Variants in DYNC2H1 observed in about 807,000 individuals in gnomAD.
DYNC2H1 encodes cytoplasmic dynein 2 heavy chain 1.
In DYNC2H1, 410 loss-of-function variants were observed where a neutral mutation model predicts 570.0. That is an observed-to-expected ratio of 0.72 (90% CI 0.66 to 0.78). The LOEUF (loss-of-function observed/expected upper bound fraction) is 0.78, where lower values mean the gene tolerates loss of function less well. Among genes scored for constraint, DYNC2H1 ranks in the 30% least tolerant of loss-of-function variants. The pLI is 0.00. For synonymous variants in DYNC2H1, 1,688 were observed against 1,677.6 expected, an observed-to-expected ratio of 1.01 and a Z score of -0.15; for missense variants, 4,865 against 5,046.4, an observed-to-expected ratio of 0.96 and a Z score of 1.09.
At chr11:103,112,729 C>T (rs2134679387) in intron 1 of DYNC2H1, among the ~76,000 whole-genome samples, 1 of 152,288 alleles carries the variant, frequency 6.6e-6, no homozygotes, top group South Asian at 2.1e-4. Context: ...TCCTACACAG[C>T]AGTGACCTTG....
intron 84 of DYNC2H1, among the ~76,000 whole-genome samples, chr11:103,428,621 A>G (rs1219417123): frequency 6.6e-6 from 1 of 152,122 alleles, no homozygotes; most frequent in African/African-American, 2.4e-5. Context: ...ACTCTGTCCT[A>G]TTAAACAACA....
chr11:103,232,091 A>G (rs548930324), intron 60 of DYNC2H1, among the ~76,000 whole-genome samples: 1 of 152,082 alleles, frequency 6.6e-6, no homozygotes, highest in Admixed American at 6.6e-5. Context: ...AAATAAGTAT[A>G]ATGTATTATT....
intron 59 of DYNC2H1, among the ~76,000 whole-genome samples, chr11:103,223,673 A>G (rs777709135): frequency 2.6e-5 from 4 of 151,954 alleles, no homozygotes; most frequent in Non-Finnish European, 2.9e-5. Context: ...GGTGTGGACC[A>G]CCACGCCTGG....
Position 103,114,106 on chromosome 11 carries a change from C to A in DYNC2H1, c.370C>A (p.Gln124Lys), listed in dbSNP as rs1411497328. The A allele has an allele frequency of 5.0e-6, 8 of 1,609,402 alleles. No individual in the cohort carries two copies. The highest frequency in any genetic ancestry group is 5.1e-6 in the Non-Finnish European group (6 of 1,177,700). The change falls in exon 3 of 89, where the codon CAG becomes AAG. Residue 124 changes from glutamine (Q) to lysine (K), a missense_variant. Transcript: ENST00000375735. ...GCTCTTGTCTGTTTTTATTTAGGAT[C>A]AGGAATGGAGCAGAAACTTTGATCC... ...QVFAPMLLKDQEWSRNFDPKL... is the reference protein window; with the variant it reads ...QVFAPMLLKDKEWSRNFDPKL...
Position 103,153,334 on chromosome 11 carries a change from G to A in DYNC2H1, c.3128G>A (p.Arg1043His), listed in dbSNP as rs372627366. 1.2e-4 allele frequency: 191 copies of A among 1,540,684 alleles called. No homozygotes were observed. The highest frequency in any genetic ancestry group is 2.9e-4 in the Admixed American group (14 of 48,568). Residue 1043 changes from arginine to histidine, a missense_variant, in exon 22 of 89, where the codon CGT becomes CAT. Arg to His is a conservative substitution (Grantham distance 29, BLOSUM62 0). Transcript: ENST00000375735. ...IEVMKGNVKSRLQIYYQELEK... is the reference protein window; with the variant it reads ...IEVMKGNVKSHLQIYYQELEK... ...GTGATGAAAGGAAATGTGAAATCAC[G>A]TCTTCAGATCTATTATCAAGAACTG...
Position 103,123,523 on chromosome 11 carries a change from T to C in DYNC2H1, c.1661+523T>C, listed in dbSNP as rs141931624. Among the ~76,000 whole-genome samples, 726 of 152,272 alleles carry C rather than the reference T, an allele frequency of 4.8e-3. 3 individuals are homozygous for C. The highest frequency in any genetic ancestry group is 6.8e-3 in the Middle Eastern group (2 of 294). ...TGGAATTCTGGCTCTGGAGGAAAAA[T>C]AGAGGAAACTGAACGGTGTTAGGGC... On this transcript the variant is annotated intron_variant, in intron 11 of 88. Coordinates refer to ENST00000375735, the MANE Select transcript of DYNC2H1 (RefSeq NM_001377.3).
At chr11:103,282,303 T>A (rs1204431409) in intron 72 of DYNC2H1, 74 bp downstream of exon 72, 1 of 1,367,112 alleles carries the variant, frequency 7.3e-7, no homozygotes, top group Non-Finnish European at 1.0e-6. Context: ...AGGTATAATT[T>A]GCTTCAGAGG....
chr11:103,215,853 A>G lies in DYNC2H1; in HGVS notation c.8827A>G (p.Met2943Val), dbSNP rs140194717. 5 of 1,612,550 alleles carry G rather than the reference A, an allele frequency of 3.1e-6. No homozygotes were observed. Among genetic ancestry groups the G allele is most frequent in the African/African-American group, 1.3e-5 (1 of 75,014 alleles). The change falls in exon 55 of 89, where the codon ATG (methionine) becomes GTG (valine). Residue 2943 changes from methionine (M) to valine (V), a missense_variant. This residue lies in a region of DYNC2H1 where 2,401 missense variants were observed against 2,454.6 expected (regional missense o/e 0.98). Coordinates refer to ENST00000375735, the MANE Select transcript of DYNC2H1 (RefSeq NM_001377.3). ...TGCCCTTCAAATGATCACAGTGTCA[A>G]TGCAGGTAATGTTTAGAGTGACCAC... ...DAALQMITVS[M>V]QDASEQKTEL...
At chr11:103,158,627 C>A (rs1296722010) in intron 26 of DYNC2H1, 50 bp from the exon 27 acceptor site, 6 of 1,438,730 alleles carry the variant, frequency 4.2e-6, no homozygotes, top group Middle Eastern at 2.4e-4. Context: ...TTTTTCTTAC[C>A]CCCCCAAATT....
chr11:103,315,812 A>G (rs1937792991), intron 79 of DYNC2H1, among the ~76,000 whole-genome samples: 1 of 152,048 alleles, frequency 6.6e-6, no homozygotes, highest in South Asian at 2.1e-4. Context: ...GGGCAGGGAT[A>G]ATTTTTTTGT....
intron 31 of DYNC2H1, among the ~76,000 whole-genome samples, chr11:103,166,356 T>A (rs1861301683): frequency 6.6e-6 from 1 of 152,124 alleles, no homozygotes; most frequent in Admixed American, 6.5e-5. Context: ...CTTTTAACCA[T>A]CAAAGTTATT....
chr11:103,413,046 T>A (rs910413161), intron 84 of DYNC2H1, among the ~76,000 whole-genome samples: 4 of 152,140 alleles, frequency 2.6e-5, no homozygotes, highest in African/African-American at 4.8e-5. Context: ...AAACTCCCAG[T>A]GTGTTTACTT....
At chr11:103,149,036 G>A (rs1002335298) in intron 20 of DYNC2H1, among the ~76,000 whole-genome samples, 14 of 152,156 alleles carry the variant, frequency 9.2e-5, no homozygotes, top group African/African-American at 3.4e-4. Context: ...CAGCCTGGGT[G>A]ACAGAGCGAG....
intron 83 of DYNC2H1, among the ~76,000 whole-genome samples, chr11:103,375,549 A>G (rs1261671481): frequency 6.6e-6 from 1 of 152,236 alleles, no homozygotes; most frequent in East Asian, 1.9e-4. Flanking sequence ...AGAGCTGCCC[A>G]GGGCCATGGG....
chr11:103,313,095 C>A (rs11225698), intron 79 of DYNC2H1, among the ~76,000 whole-genome samples: 25,253 of 152,174 alleles, frequency 0.17, 2,291 homozygotes, highest in Admixed American at 0.25. Flanking sequence ...TTTCTAATAT[C>A]TGAGTTTGGT....
intron 18 of DYNC2H1, among the ~76,000 whole-genome samples, chr11:103,147,437 G>A (rs1591315324): frequency 6.6e-6 from 1 of 151,968 alleles, no homozygotes; most frequent in Non-Finnish European, 1.5e-5. Context: ...ATTTAAATAG[G>A]TGTGTTACAT....
At chr11:103,421,130 GA>G (rs1359173752) in intron 84 of DYNC2H1, among the ~76,000 whole-genome samples, 1 of 152,094 alleles carries the variant, frequency 6.6e-6, no homozygotes, top group Non-Finnish European at 1.5e-5. Context: ...AAAAGACAAA[GA>G]AGGACATTAC....
intron 87 of DYNC2H1, among the ~76,000 whole-genome samples, chr11:103,459,660 G>A (rs191731648): frequency 6.6e-6 from 1 of 152,112 alleles, no homozygotes; most frequent in African/African-American, 2.4e-5. Context: ...CTCACTTAAA[G>A]CTGAAGGAGT....
At chr11:103,167,277 T>C (rs1565360213) in intron 31 of DYNC2H1, among the ~76,000 whole-genome samples, 1 of 151,532 alleles carries the variant, frequency 6.6e-6, no homozygotes, top group African/African-American at 2.4e-5. Context: ...TTTTTTTTTT[T>C]GGAGGGCGGG....
Sources: gnomAD v4.1 joint callset for allele counts (sites outside exome capture counted in the v4.1 genomes callset) on GRCh38, gnomAD v4.1.1 for gene constraint, gnomAD v4.1.1 regional missense constraint, MANE v1.5 for transcripts, NCBI Gene and HGNC (gene_info 2026-07-23, HGNC 2026-07-21) for gene names.